CSMD2: variants seen among roughly 807,000 people sequenced by gnomAD.
CSMD2 encodes the protein CUB and sushi domain-containing protein 2.
In CSMD2, 130 loss-of-function variants were observed where a neutral mutation model predicts 398.5. The ratio of observed to expected loss-of-function variants is 0.33; its 90% CI spans 0.28 to 0.38. The LOEUF (loss-of-function observed/expected upper bound fraction) is 0.38, where lower values mean the gene tolerates loss of function less well. Among genes scored for constraint, CSMD2 ranks in the 10% least tolerant of loss-of-function variants. CSMD2 has a pLI of 1.00. For synonymous variants in CSMD2, 1,828 were observed against 1,908.5 expected (o/e 0.96, Z 1.10); for missense variants, 3,829 against 4,764.9 (o/e 0.80, Z 5.78).
chr1:34,019,124 G>A (rs2011500), intron 3 of CSMD2, among the ~76,000 whole-genome samples: 34,223 of 152,090 alleles, frequency 0.23, 4,536 homozygotes, highest in East Asian at 0.57. Flanking sequence ...AGGACTGCTT[G>A]AGAATTAAAT....
Position 34,045,691 on chromosome 1 carries a change from C to T in CSMD2, c.405-12985G>A, listed in dbSNP as rs886120639. 6.6e-5 allele frequency among the ~76,000 whole-genome samples: 10 copies of T among 152,200 alleles called. No individual in the cohort carries two copies. The East Asian group carries it at 1.2e-3, about 18-fold the overall frequency. On this transcript the variant is annotated intron_variant, in intron 2 of 70. Transcript: ENST00000373381. ...TCTTTAGAAGCAAGATCTGGAGTCACAGCAGACCCACCTGCTGAGGTCTAA... is the reference window on the plus strand; with the variant it reads ...TCTTTAGAAGCAAGATCTGGAGTCATAGCAGACCCACCTGCTGAGGTCTAA...
In CSMD2 at chr1:33,840,682, C is replaced by T. The variant is rs115546707; in HGVS notation, c.1033+6202G>A. Among the ~76,000 whole-genome samples the T allele has an allele frequency of 6.9e-3, 1,058 of 152,310 alleles. 14 individuals carry two copies. Among genetic ancestry groups the T allele is most frequent in the African/African-American group, 0.024 (1,000 of 41,566 alleles). On this transcript the variant is annotated intron_variant, in intron 6 of 70. Coordinates refer to ENST00000373381, the MANE Select transcript of CSMD2 (RefSeq NM_001281956.2). ...TTACGCTTGAAACCTGGTGAGGTCA[C>T]GGGTGCCATATTTTGTGTGCCTACA...
In CSMD2 at chr1:33,559,980, A is replaced by T. The variant is rs1211317952; in HGVS notation, c.8381-507T>A. 2.0e-5 allele frequency among the ~76,000 whole-genome samples: 3 copies of T among 152,178 alleles called. No individual in the cohort carries two copies. The East Asian group carries it at 5.8e-4, about 29-fold the overall frequency. On this transcript the variant is annotated intron_variant, in intron 53 of 70. Coordinates refer to ENST00000373381, the MANE Select transcript of CSMD2 (RefSeq NM_001281956.2). The surrounding 1 kb of genome is among the most constrained non-coding windows in gnomAD (Gnocchi z 4.0). Reference sequence around the variant, plus strand: ...GGAAGCAGAGCTGCTGTTTGGAGAGAACCCACTACCTCCAATTCCTTCCAT... The same window carrying T: ...GGAAGCAGAGCTGCTGTTTGGAGAGTACCCACTACCTCCAATTCCTTCCAT...
chr1:33,846,911 G>C lies in CSMD2; in HGVS notation c.1006C>G (p.Gln336Glu), dbSNP rs1339195921. Residue 336 changes from glutamine to glutamate, a missense_variant, in exon 6 of 71, where the codon CAG (glutamine) becomes GAG (glutamate). This residue lies in a region of CSMD2 where 2,001 missense variants were observed against 2,567.1 expected (regional missense o/e 0.78). Coordinates refer to ENST00000373381, the MANE Select transcript of CSMD2 (RefSeq NM_001281956.2). ...LHFTSDGNHR[Q>E]RGFSAQYQVK... ...TGGTATTGGGCACTGAATCCGCGCT[G>C]CCGGTGGTTGCCATCCGATGTGAAG... 6.2e-7 allele frequency: 1 copy of C among 1,609,232 alleles called. No individual in the cohort carries two copies. Among genetic ancestry groups the C allele is most frequent in the East Asian group, 2.3e-5 (1 of 44,376 alleles).
chr1:34,061,396 C>T (rs1052867515), intron 2 of CSMD2, among the ~76,000 whole-genome samples: 8 of 152,130 alleles, frequency 5.3e-5, no homozygotes, highest in African/African-American at 1.7e-4. Flanking sequence ...ACGGCTGGAG[C>T]GGCTGGGACA....
At chr1:34,073,009 G>C (rs1003562603) in intron 2 of CSMD2, among the ~76,000 whole-genome samples, 1 of 152,130 alleles carries the variant, frequency 6.6e-6, no homozygotes, top group African/African-American at 2.4e-5. Flanking sequence ...CAGGTATCCA[G>C]CCTCCCACTC....
At chr1:33,662,304 A>G (rs1039857151) in intron 26 of CSMD2, among the ~76,000 whole-genome samples, 9 of 152,046 alleles carry the variant, frequency 5.9e-5, no homozygotes, top group Non-Finnish European at 1.5e-5. Flanking sequence ...CTTATTCATA[A>G]CCATGCCCCA....
intron 51 of CSMD2, among the ~76,000 whole-genome samples, chr1:33,570,458 T>C (rs1659497737): frequency 6.6e-6 from 1 of 151,874 alleles, no homozygotes; most frequent in African/African-American, 2.4e-5. Context: ...ATGCCCAACC[T>C]GGATCACAGG....
intron 19 of CSMD2, among the ~76,000 whole-genome samples, chr1:33,723,824 C>A (rs1017619424): frequency 5.9e-5 from 9 of 152,162 alleles, no homozygotes; most frequent in Non-Finnish European, 1.3e-4. Context: ...ATAGTAGGTG[C>A]CCATCTGTTG....
intron 1 of CSMD2, among the ~76,000 whole-genome samples, chr1:34,142,139 G>T (rs1639352149): frequency 6.6e-6 from 1 of 152,148 alleles, no homozygotes; most frequent in Admixed American, 6.5e-5. Flanking sequence ...GAGTCATGAA[G>T]TGTCCCTAAG....
chr1:34,011,822 T>G (rs967805111), intron 3 of CSMD2, among the ~76,000 whole-genome samples: 2 of 152,162 alleles, frequency 1.3e-5, no homozygotes, highest in African/African-American at 2.4e-5. Context: ...GTCTTATTCA[T>G]GATAATGATT....
chr1:33,541,438 C>T (rs1656329085), intron 58 of CSMD2, 129 bp from the exon 59 acceptor site: 8 of 708,526 alleles, frequency 1.1e-5, no homozygotes, highest in Non-Finnish European at 1.9e-5. Context: ...CCTGTCTCCT[C>T]ACAGGATCCC....
intron 37 of CSMD2, among the ~76,000 whole-genome samples, chr1:33,621,084 C>A (rs1044876285): frequency 6.6e-6 from 1 of 152,208 alleles, no homozygotes; most frequent in Non-Finnish European, 1.5e-5. Context: ...CAGGCATCCC[C>A]TTCTGCAAGG....
rs781565991 is a variant in CSMD2, at chr1:33,572,516, T to G, written c.7752A>C (p.Pro2584=). 5.0e-6 allele frequency: 8 copies of G among 1,607,224 alleles called. No homozygotes were observed. The South Asian group carries it at 5.5e-5, about 11-fold the overall frequency. Residue 2584 remains proline (P), a synonymous_variant, in exon 50 of 71, where the codon CCA becomes CCC. Coordinates refer to ENST00000373381, the MANE Select transcript of CSMD2 (RefSeq NM_001281956.2). ...TGCCCGAGGACTCACGGACACACTG[T>G]GGTGGGACATTGCGGTTGCTCCATA... ...TGLWSNRNVP[P]QCVPVTCPDV... is the part of the protein sequence containing the mutation.
intron 5 of CSMD2, among the ~76,000 whole-genome samples, chr1:33,893,521 C>T (rs962365801): frequency 6.6e-6 from 1 of 152,214 alleles, no homozygotes; most frequent in Non-Finnish European, 1.5e-5. Context: ...AGCTCTGAAA[C>T]TTCTCCTGGC....
rs1239415665 is a variant in CSMD2, at chr1:33,716,365, G to C, written c.3138C>G (p.Leu1046=). 2 of 1,614,176 alleles carry C rather than the reference G, an allele frequency of 1.2e-6. No individual in the cohort carries two copies. The highest frequency in any genetic ancestry group is 1.1e-5 in the South Asian group (1 of 91,080). ...SRLPAPISAG[L]YGNFTAQVRF... is the part of the protein sequence containing the mutation. ...GGACCTGGGCAGTGAAGTTGCCATA[G>C]AGCCCAGCGCTGATGGGAGCTGGCA... The change falls in exon 20 of 71, where the codon CTC becomes CTG. Residue 1046 remains leucine (L), a synonymous_variant. Coordinates refer to ENST00000373381, the MANE Select transcript of CSMD2 (RefSeq NM_001281956.2).
chr1:33,659,933 A>T (rs1241275592), intron 26 of CSMD2, among the ~76,000 whole-genome samples: 1 of 152,252 alleles, frequency 6.6e-6, no homozygotes, highest in East Asian at 1.9e-4. Flanking sequence ...CAGCTACTGA[A>T]CTTATTTGTA....
At chr1:34,107,972 A>G (rs974429503) in intron 1 of CSMD2, among the ~76,000 whole-genome samples, 3 of 152,104 alleles carry the variant, frequency 2.0e-5, no homozygotes, top group Non-Finnish European at 2.9e-5. Context: ...TGAGAATCTC[A>G]TGAGGGCAGG....
At chr1:33,599,990 A>G (rs1640104580) in intron 44 of CSMD2, 4 of 611,826 alleles carry the variant, frequency 6.5e-6, no homozygotes, top group East Asian at 2.8e-5. Flanking sequence ...TTCTATCCAC[A>G]TGGTTTTGGG....
Sources: gnomAD v4.1 joint callset for allele counts (sites outside exome capture counted in the v4.1 genomes callset) on GRCh38, gnomAD v4.1.1 for gene constraint, gnomAD v4.1.1 regional missense constraint, Gnocchi (gnomAD v3.1) non-coding constraint, MANE v1.5 for transcripts, NCBI Gene and HGNC (gene_info 2026-07-23, HGNC 2026-07-21) for gene names.